Variants in SEMA3D observed in about 807,000 individuals in gnomAD.
The protein encoded by SEMA3D is semaphorin 3D.
A neutral mutation model predicts 100.1 loss-of-function variants in SEMA3D; 84 were observed. That is an observed-to-expected ratio of 0.84 (90% CI 0.70 to 1.01). The LOEUF is 1.01. Ranked by LOEUF, SEMA3D falls within the 50% of genes least tolerant of loss-of-function variation. SEMA3D has a pLI of 0.00. For missense variants in SEMA3D, 875 were observed against 934.1 expected, an observed-to-expected ratio of 0.94 and a Z score of 0.82; for synonymous variants, 312 against 320.7, an observed-to-expected ratio of 0.97 and a Z score of 0.29.
chr7:85,052,217 T>C (rs1583873695), intron 9 of SEMA3D, among the ~76,000 whole-genome samples: 1 of 152,046 alleles, frequency 6.6e-6, no homozygotes, highest in African/African-American at 2.4e-5. Flanking sequence ...CACAAATATT[T>C]CTCGATCCAG....
chr7:85,238,998 T>C, the SEMA3D span, among the ~76,000 whole-genome samples: 1 of 152,114 alleles, frequency 6.6e-6, no homozygotes, highest in East Asian at 1.9e-4. Context: ...CTAAATTGTA[T>C]TTATTATTTT....
chr7:85,090,666 T>C (rs535567181), intron 4 of SEMA3D, among the ~76,000 whole-genome samples: 31 of 152,150 alleles, frequency 2.0e-4, no homozygotes, highest in Non-Finnish European at 3.8e-4. Context: ...CAGAAATGTC[T>C]TACTCAGCCA....
At chr7:85,137,519 A>T (rs761440313) in intron 2 of SEMA3D, among the ~76,000 whole-genome samples, 14 of 151,890 alleles carry the variant, frequency 9.2e-5, no homozygotes, top group Non-Finnish European at 1.9e-4. Context: ...GCTATTTTTT[A>T]CCTACGATTA....
In SEMA3D at chr7:85,126,334, T is replaced by C. The variant is rs566227765; in HGVS notation, c.-40-4403A>G. On this transcript the variant is annotated intron_variant, in intron 2 of 18. Coordinates refer to ENST00000284136, the MANE Select transcript of SEMA3D (RefSeq NM_001384900.1). ...CAATGATTAAAATATGTAAGTCTTC[T>C]TGCATGAAAATCTAGAACACTTAGA... Among the ~76,000 whole-genome samples, 18 of 151,778 alleles carry C rather than the reference T, an allele frequency of 1.2e-4. 1 individual carries two copies. Among genetic ancestry groups the C allele is most frequent in the African/African-American group, 4.4e-4 (18 of 41,342 alleles).
the SEMA3D span, among the ~76,000 whole-genome samples, chr7:85,246,633 C>A: frequency 6.6e-6 from 1 of 151,348 alleles, no homozygotes; most frequent in African/African-American, 2.4e-5. Context: ...GTGAAAATAC[C>A]AAGTTTGGGT....
chr7:85,237,507 A>G, the SEMA3D span, among the ~76,000 whole-genome samples: 1 of 152,176 alleles, frequency 6.6e-6, no homozygotes, highest in Non-Finnish European at 1.5e-5. Context: ...TGCTTTTTCC[A>G]GAATGTCATA....
the SEMA3D span, among the ~76,000 whole-genome samples, chr7:85,196,932 T>G: frequency 1.3e-5 from 2 of 152,292 alleles, no homozygotes; most frequent in African/African-American, 4.8e-5. Context: ...GACTAAACTC[T>G]GATTTTTTTA....
chr7:85,187,879 G>T (rs538058478), upstream of SEMA3D, among the ~76,000 whole-genome samples: 2 of 152,158 alleles, frequency 1.3e-5, no homozygotes, highest in South Asian at 2.1e-4. Flanking sequence ...AGCCCTGTAC[G>T]TTAGGCATTT....
intron 3 of SEMA3D, among the ~76,000 whole-genome samples, chr7:85,120,081 T>C (rs760246451): frequency 4.6e-5 from 7 of 151,986 alleles, no homozygotes; most frequent in Non-Finnish European, 1.0e-4. Context: ...GCTGGGATTA[T>C]AGGCATGTAC....
intron 4 of SEMA3D, among the ~76,000 whole-genome samples, chr7:85,096,154 T>C (rs1242306865): frequency 6.6e-6 from 1 of 151,960 alleles, no homozygotes; most frequent in Non-Finnish European, 1.5e-5. Context: ...AAGATTTTTT[T>C]CCTTGGCCAC....
At chr7:85,028,016 T>A in intron 12 of SEMA3D, 1 of 577,026 alleles carries the variant, frequency 1.7e-6, no homozygotes, top group Non-Finnish European at 3.3e-6. Flanking sequence ...CAATGAACCG[T>A]GCCAGCATGG....
At chr7:85,196,993 C>A in the SEMA3D span, among the ~76,000 whole-genome samples, 1 of 150,906 alleles carries the variant, frequency 6.6e-6, no homozygotes, top group Admixed American at 6.6e-5. Context: ...CCCTACAAAT[C>A]ATAAATTCTC....
rs1021240693 is a variant in SEMA3D at position 85,150,300 on chromosome 7, A to G, written c.-41+3308T>C. Among the ~76,000 whole-genome samples the G allele has an allele frequency of 1.3e-4, 19 of 147,720 alleles. No individual in the cohort carries two copies. In the Admixed American group the frequency reaches 1.3e-3, roughly 10 times the overall value. ...ATTTTGAGCTGTTACGGTACTAAGA[A>G]CTGAAAATCTTGGAAAGATATTTCT... On this transcript the variant is annotated intron_variant, in intron 2 of 18. Transcript: ENST00000284136.
At position 85,153,677 on chromosome 7, in the gene SEMA3D, G is replaced by T. The variant is rs1045428207; in HGVS notation, c.-110C>A. 2.0e-5 allele frequency: 3 copies of T among 152,250 alleles called. No homozygotes were observed. The highest frequency in any genetic ancestry group is 4.4e-5 in the Non-Finnish European group (3 of 68,076). 9.4% of individuals were successfully genotyped at this position (152,250 alleles called of 1,614,324 possible). A position where few individuals can be genotyped will look rare whatever the true frequency, so the allele number is the denominator to read the frequency against. On this transcript the variant is annotated 5_prime_UTR_variant, in exon 2 of 19. Transcript: ENST00000284136. The stretch of plus-strand genomic sequence containing the variant: ...GTGAAGATCCAGGAGAACCAACAGT[G>T]TATGTTCAAAAGCCTGGCAACCAGG...
chr7:85,005,618 A>G (rs1336536509), intron 18 of SEMA3D, among the ~76,000 whole-genome samples: 1 of 152,044 alleles, frequency 6.6e-6, no homozygotes, highest in African/African-American at 2.4e-5. Context: ...TTATGATAAA[A>G]TTTGATTTTT....
At chr7:85,020,408 C>A in intron 13 of SEMA3D, 87 bp from the exon 14 acceptor site, 1 of 838,754 alleles carries the variant, frequency 1.2e-6, no homozygotes, top group Non-Finnish European at 2.0e-6. Context: ...AAATCATTCC[C>A]CTCACTTCTC....
At position 84,996,164 on chromosome 7, in the gene SEMA3D, C is replaced by G. The variant is rs1187408894; in HGVS notation, c.*3276G>C. ...AGAAAATCAGTATTTAATGAATGCTCTTATTATTTTTTGGACAGCTGAATG... is the reference window on the plus strand; with the variant it reads ...AGAAAATCAGTATTTAATGAATGCTGTTATTATTTTTTGGACAGCTGAATG... On this transcript the variant is annotated 3_prime_UTR_variant, in exon 19 of 19. Coordinates refer to ENST00000284136, the MANE Select transcript of SEMA3D (RefSeq NM_001384900.1). 6.6e-6 allele frequency: 1 copy of G among 151,878 alleles called. No homozygotes were observed. Among genetic ancestry groups the G allele is most frequent in the Non-Finnish European group, 1.5e-5 (1 of 67,820 alleles). The allele number at this position is 151,878 out of a possible 1,614,324, so 9.4% of individuals were successfully genotyped here.
intron 4 of SEMA3D, among the ~76,000 whole-genome samples, chr7:85,088,257 A>G (rs1335472302): frequency 6.6e-6 from 1 of 152,174 alleles, no homozygotes; most frequent in Non-Finnish European, 1.5e-5. Context: ...TAATGATAAG[A>G]CTTTATAACA....
chr7:85,093,455 A>G (rs565647170), intron 4 of SEMA3D, among the ~76,000 whole-genome samples: 1 of 152,162 alleles, frequency 6.6e-6, no homozygotes, highest in African/African-American at 2.4e-5. Context: ...CTTGCTACCA[A>G]CCTAAAGATA....
Sources: gnomAD v4.1 joint callset for allele counts (sites outside exome capture counted in the v4.1 genomes callset) on GRCh38, gnomAD v4.1.1 for gene constraint, MANE v1.5 for transcripts, NCBI Gene and HGNC (gene_info 2026-07-23, HGNC 2026-07-21) for gene names.